The following CEP128 variants were observed in gnomAD, a reference collection of about 807,000 sequenced individuals.
CEP128 encodes centrosomal protein 128.
A neutral mutation model predicts 156.7 loss-of-function variants in CEP128; 132 were observed. The observed-to-expected ratio is 0.84, with a 90% CI of 0.73 to 0.97. The LOEUF is 0.97. Among genes scored for constraint, CEP128 ranks in the 50% least tolerant of loss-of-function variants. The pLI, the probability that CEP128 is intolerant of heterozygous loss-of-function variation, is 0.00. For synonymous variants in CEP128, 469 were observed against 448.9 expected, an observed-to-expected ratio of 1.04 and a Z score of -0.57; for missense variants, 1,252 against 1,281.9, an observed-to-expected ratio of 0.98 and a Z score of 0.36.
At chr14:80,856,300 A>G (rs1452260672) in intron 9 of CEP128, among the ~76,000 whole-genome samples, 1 of 152,180 alleles carries the variant, frequency 6.6e-6, no homozygotes, top group East Asian at 1.9e-4. Flanking sequence ...GTAAGCATAG[A>G]ATATTGTTGA....
At chr14:80,580,236 A>C (rs1479092410) in intron 20 of CEP128, 138 bp downstream of exon 20, 2 of 545,214 alleles carry the variant, frequency 3.7e-6, no homozygotes, top group African/African-American at 1.9e-5. Context: ...AAAGGAAGCA[A>C]ATTCCAACTT....
chr14:80,656,807 C>T (rs1895191754), intron 19 of CEP128, among the ~76,000 whole-genome samples: 2 of 152,124 alleles, frequency 1.3e-5, no homozygotes, highest in African/African-American at 2.4e-5. Flanking sequence ...ACAGTTTTTG[C>T]TGGTTGTGGG....
intron 19 of CEP128, among the ~76,000 whole-genome samples, chr14:80,672,898 G>C (rs1482564014): frequency 6.6e-6 from 1 of 152,060 alleles, no homozygotes; most frequent in Non-Finnish European, 1.5e-5. Context: ...ATTGAATTAA[G>C]TAAAAATTGT....
chr14:80,563,566 T>TCTTGTCGC (rs1377641527), intron 20 of CEP128, among the ~76,000 whole-genome samples: 1 of 121,588 alleles, frequency 8.2e-6, no homozygotes, highest in Non-Finnish European at 1.6e-5. Context: ...GGAATCTCAC[T>TCTTGTCGC]CTTGTCGCCC....
intron 19 of CEP128, among the ~76,000 whole-genome samples, chr14:80,582,475 T>A (rs993758414): frequency 2.6e-5 from 4 of 152,044 alleles, no homozygotes; most frequent in Non-Finnish European, 4.4e-5. Context: ...CATGAGCTAA[T>A]AAGCATTTTA....
At chr14:80,810,649 T>C (rs1303755806) in intron 13 of CEP128, among the ~76,000 whole-genome samples, 1 of 152,202 alleles carries the variant, frequency 6.6e-6, no homozygotes, top group Non-Finnish European at 1.5e-5. Flanking sequence ...ATGTTGGTCT[T>C]GTACAATGCA....
At chr14:80,499,383 A>AAT (rs1887636280) in intron 24 of CEP128, among the ~76,000 whole-genome samples, 2 of 152,214 alleles carry the variant, frequency 1.3e-5, no homozygotes, top group African/African-American at 4.8e-5. Context: ...TTTTATAGCA[A>AAT]TGTAAACTGA....
intron 7 of CEP128, among the ~76,000 whole-genome samples, chr14:80,899,476 T>C (rs1469904202): frequency 6.6e-6 from 1 of 152,228 alleles, no homozygotes. Context: ...ATTGTGAAGA[T>C]GGGGCAGATG....
intron 20 of CEP128, among the ~76,000 whole-genome samples, chr14:80,564,722 G>A (rs1254898583): frequency 6.6e-6 from 1 of 152,174 alleles, no homozygotes; most frequent in African/African-American, 2.4e-5. Context: ...CTTCTTGCCT[G>A]GGGTCCAGTC....
chr14:80,536,407 A>G (rs1018597602), intron 21 of CEP128, among the ~76,000 whole-genome samples: 32 of 152,224 alleles, frequency 2.1e-4, no homozygotes, highest in Admixed American at 1.3e-4. Context: ...TGATATCTAC[A>G]TTTTTATTTT....
chr14:80,932,726 GTAA>G (rs1885538939), intron 2 of CEP128, among the ~76,000 whole-genome samples: 1 of 152,016 alleles, frequency 6.6e-6, no homozygotes, highest in Non-Finnish European at 1.5e-5. Context: ...ATATTACAGT[GTAA>G]TAATAACAGA....
intron 20 of CEP128, among the ~76,000 whole-genome samples, chr14:80,567,605 C>T (rs971209680): frequency 2.6e-5 from 4 of 152,240 alleles, no homozygotes; most frequent in African/African-American, 9.6e-5. Context: ...TAAAGCACAA[C>T]GTAATGTGGT....
chr14:80,523,106 C>G (rs1888816570), intron 23 of CEP128, among the ~76,000 whole-genome samples: 1 of 152,196 alleles, frequency 6.6e-6, no homozygotes, highest in Admixed American at 6.5e-5. Context: ...TCCTGCTAAC[C>G]CTTCCCTACA....
At chr14:80,714,638 A>G (rs898577151) in intron 19 of CEP128, among the ~76,000 whole-genome samples, 5 of 151,978 alleles carry the variant, frequency 3.3e-5, no homozygotes, top group African/African-American at 1.2e-4. Flanking sequence ...CAAACTTCCC[A>G]CATTGTCTCC....
At chr14:80,792,578 T>C (rs1901767394) in intron 14 of CEP128, among the ~76,000 whole-genome samples, 182 bp downstream of exon 14, 1 of 152,178 alleles carries the variant, frequency 6.6e-6, no homozygotes. Context: ...ATGAAAAGGC[T>C]TAAGTAAAAA....
At chr14:80,803,732 A>G (rs1039261561) in intron 13 of CEP128, among the ~76,000 whole-genome samples, 1 of 152,224 alleles carries the variant, frequency 6.6e-6, no homozygotes, top group African/African-American at 2.4e-5. Flanking sequence ...TACAACATTT[A>G]AAAAGAATGA....
chr14:80,730,496 GTTTT>G (rs1898225034), intron 19 of CEP128, among the ~76,000 whole-genome samples: 1 of 152,164 alleles, frequency 6.6e-6, no homozygotes, highest in Non-Finnish European at 1.5e-5. Flanking sequence ...AGACATGACT[GTTTT>G]AACAGGGAAA....
chr14:80,796,658 C>T (rs1039068238), intron 13 of CEP128, among the ~76,000 whole-genome samples: 1 of 152,190 alleles, frequency 6.6e-6, no homozygotes, highest in Non-Finnish European at 1.5e-5. Context: ...CTAAATAACT[C>T]TATAAAGTTC....
intron 19 of CEP128, among the ~76,000 whole-genome samples, chr14:80,594,624 A>G (rs1284610975): frequency 1.3e-5 from 2 of 152,210 alleles, no homozygotes; most frequent in African/African-American, 2.4e-5. Flanking sequence ...CAAATTTATA[A>G]GAAAAAAACA....
Sources: gnomAD v4.1 joint callset for allele counts (sites outside exome capture counted in the v4.1 genomes callset) on GRCh38, gnomAD v4.1.1 for gene constraint, MANE v1.5 for transcripts, NCBI Gene and HGNC (gene_info 2026-07-23, HGNC 2026-07-21) for gene names.